Variants in CSNK1A1 observed in about 807,000 individuals in gnomAD.
The protein encoded by CSNK1A1 is casein kinase 1 alpha 1.
A neutral mutation model predicts 46.1 loss-of-function variants in CSNK1A1; 7 were observed. The observed-to-expected ratio is 0.15, with a 90% CI of 0.09 to 0.29. The LOEUF is 0.29. CSNK1A1 is among the 10% of genes least tolerant of loss of function. CSNK1A1 has a pLI of 1.00. For synonymous variants in CSNK1A1, 137 were observed against 141.5 expected, an observed-to-expected ratio of 0.97 and a Z score of 0.23; for missense variants, 96 against 417.1, an observed-to-expected ratio of 0.23 and a Z score of 6.71.
intron 2 of CSNK1A1, among the ~76,000 whole-genome samples, chr5:149,542,881 G>A (rs1387987733): frequency 1.3e-5 from 2 of 149,964 alleles, no homozygotes; most frequent in Non-Finnish European, 3.0e-5. Context: ...TTTCAGTAGA[G>A]ATGGGGTTTC....
intron 2 of CSNK1A1, among the ~76,000 whole-genome samples, chr5:149,542,606 A>G (rs1299513549): frequency 7.9e-4 from 6 of 7,560 alleles, no homozygotes; most frequent in African/African-American, 2.9e-3. Flanking sequence ...ATATATATAT[A>G]TATATATATA....
At chr5:149,504,167 C>T (rs1760957633) in intron 9 of CSNK1A1, 1 of 985,390 alleles carries the variant, frequency 1.0e-6, no homozygotes, top group Non-Finnish European at 1.2e-6. Flanking sequence ...GTTTGCTATC[C>T]TGAGTTTACA....
At chr5:149,497,305 G>A (rs1760684374) in intron 9 of CSNK1A1, 1 of 988,340 alleles carries the variant, frequency 1.0e-6, no homozygotes, top group Admixed American at 5.9e-5. Flanking sequence ...AATAATAAAT[G>A]CATTCAAAGC....
Position 149,493,168 on chromosome 5 carries a change from T to C in CSNK1A1, c.*3685A>G, listed in dbSNP as rs1760568586. On this transcript the variant is annotated 3_prime_UTR_variant, in exon 10 of 10. Transcript: ENST00000377843. ...TCACTGCAACCTCCATCTCCCGGGT[T>C]CAAGCGATTCTTCTGCCTCAGCCTC... 1 of 152,248 alleles carries C rather than the reference T, an allele frequency of 6.6e-6. No homozygotes were observed. The highest frequency in any genetic ancestry group is 2.4e-5 in the African/African-American group (1 of 41,436). 9.4% of individuals were successfully genotyped at this position (152,248 alleles called of 1,614,324 possible).
At position 149,550,076 on chromosome 5, in the gene CSNK1A1, G is replaced by T; in HGVS notation, c.229C>A (p.Arg77=). 6.2e-7 allele frequency: 1 copy of T among 1,613,098 alleles called. No individual in the cohort carries two copies. Among genetic ancestry groups the T allele is most frequent in the South Asian group, 1.1e-5 (1 of 91,030 alleles). Residue 77 remains arginine (R), a splice_region_variant and synonymous_variant, in exon 2 of 10, where the codon CGG becomes AGG. Transcript: ENST00000377843. The surrounding 1 kb of genome is among the most constrained non-coding windows in gnomAD (Gnocchi z 4.3). ...LQGGVGIPHI[R]WYGQEKDYNV... The stretch of plus-strand genomic sequence containing the variant: ...CGCCTATATGCACCGGGTTCTTACC[G>T]TATGTGGGGGATGCCAACCCCACCT...
At chr5:149,513,041 T>C (rs768226398) in intron 5 of CSNK1A1, 29 bp downstream of exon 5, 11 of 1,611,764 alleles carry the variant, frequency 6.8e-6, no homozygotes, top group East Asian at 2.2e-5. Context: ...GCTATGGCTA[T>C]GATAAGCACA....
At chr5:149,505,692 C>G (rs1449289749) in intron 8 of CSNK1A1, 97 bp from the exon 9 acceptor site, 2 of 982,588 alleles carry the variant, frequency 2.0e-6, no homozygotes, top group Non-Finnish European at 1.5e-6. Context: ...TTTCTTTACA[C>G]AACGAATATT....
In CSNK1A1 at chr5:149,494,181, A is replaced by G. The variant is rs1000009086; in HGVS notation, c.*2672T>C. On this transcript the variant is annotated 3_prime_UTR_variant, in exon 10 of 10. Coordinates refer to ENST00000377843, the MANE Select transcript of CSNK1A1 (RefSeq NM_001892.6). ...ACTATTACAGTATGCTCAGCTTAAA[A>G]CATTTATGAGTACTGCAAGGACTAA... The G allele has an allele frequency of 1.3e-5, 2 of 152,232 alleles. No individual in the cohort carries two copies. Among genetic ancestry groups the G allele is most frequent in the Non-Finnish European group, 2.9e-5 (2 of 68,040 alleles). The allele number at this position is 152,232 out of a possible 1,614,324, so 9.4% of individuals were successfully genotyped here.
At chr5:149,527,204 T>C (rs904735396) in intron 2 of CSNK1A1, among the ~76,000 whole-genome samples, 1 of 152,130 alleles carries the variant, frequency 6.6e-6, no homozygotes, top group East Asian at 1.9e-4. Flanking sequence ...CTTGGCTCAC[T>C]GCAACCTCTG....
intron 2 of CSNK1A1, chr5:149,549,640 C>T: frequency 3.1e-6 from 2 of 648,082 alleles, no homozygotes; most frequent in South Asian, 1.6e-5. Context: ...AACAAAAACA[C>T]AACAAAAGAG....
intron 7 of CSNK1A1, among the ~76,000 whole-genome samples, chr5:149,509,431 C>T (rs527563507): frequency 2.0e-5 from 3 of 151,958 alleles, no homozygotes; most frequent in East Asian, 3.9e-4. Flanking sequence ...GGCTGGAGTG[C>T]AGTGGCACAA....
chr5:149,509,981 T>C (rs1186637336), intron 6 of CSNK1A1, 28 bp from the exon 7 acceptor site: 1 of 1,488,034 alleles, frequency 6.7e-7, no homozygotes, highest in Admixed American at 1.9e-5. Flanking sequence ...ATAAAAAAGA[T>C]ATACTCAGTG....
At chr5:149,519,178 C>T (rs1761489059) in intron 4 of CSNK1A1, among the ~76,000 whole-genome samples, 1 of 152,078 alleles carries the variant, frequency 6.6e-6, no homozygotes, top group African/African-American at 2.4e-5. Context: ...TTTCCTAAAA[C>T]CTAATCAGAC....
chr5:149,507,155 C>T, intron 7 of CSNK1A1, 22 bp from the exon 8 acceptor site: 1 of 1,534,186 alleles, frequency 6.5e-7, no homozygotes, highest in Non-Finnish European at 8.9e-7. Flanking sequence ...AGGGTTAAAA[C>T]AAAGTTAAAA....
At chr5:149,546,832 A>G (rs1268281453) in intron 2 of CSNK1A1, among the ~76,000 whole-genome samples, 2 of 152,230 alleles carry the variant, frequency 1.3e-5, no homozygotes, top group Admixed American at 1.3e-4. Flanking sequence ...CTTTCCGAGT[A>G]AATATTTATT....
At chr5:149,526,854 A>G (rs1432778172) in intron 2 of CSNK1A1, among the ~76,000 whole-genome samples, 1 of 152,148 alleles carries the variant, frequency 6.6e-6, no homozygotes, top group Non-Finnish European at 1.5e-5. Context: ...TATAATAAAT[A>G]TGCTCCCTAG....
At chr5:149,548,733 C>T (rs1035824424) in intron 2 of CSNK1A1, among the ~76,000 whole-genome samples, 3 of 152,080 alleles carry the variant, frequency 2.0e-5, no homozygotes, top group African/African-American at 7.2e-5. Context: ...CCTGTAATCC[C>T]AGCTACTCAG....
intron 2 of CSNK1A1, among the ~76,000 whole-genome samples, chr5:149,544,758 T>TATATATATATATATATATACACAC (rs150989849): frequency 1.2e-4 from 16 of 129,264 alleles, no homozygotes; most frequent in African/African-American, 5.1e-4. Flanking sequence ...TATATATATA[T>TATATATATATATATATATACACAC]ATATATAGTT....
At chr5:149,533,598 A>C (rs1444621184) in intron 2 of CSNK1A1, among the ~76,000 whole-genome samples, 1 of 152,138 alleles carries the variant, frequency 6.6e-6, no homozygotes, top group Non-Finnish European at 1.5e-5. Flanking sequence ...CTTGGTTCCC[A>C]GTAACATAGT....
Sources: allele counts gnomAD v4.1 joint callset (sites outside exome capture counted in the v4.1 genomes callset), GRCh38; gene constraint gnomAD v4.1.1; non-coding constraint Gnocchi (gnomAD v3.1); transcripts MANE v1.5; gene names NCBI Gene and HGNC (gene_info 2026-07-23, HGNC 2026-07-21).